XPO1: variants seen among roughly 807,000 people sequenced by gnomAD.
XPO1 encodes the protein exportin-1.
A neutral mutation model predicts 133.3 loss-of-function variants in XPO1; 5 were observed. The ratio of observed to expected loss-of-function variants is 0.04; its 90% CI spans 0.02 to 0.08. The LOEUF (loss-of-function observed/expected upper bound fraction) is 0.08, where lower values mean the gene tolerates loss of function less well. XPO1 is among the 10% of genes least tolerant of loss of function. The pLI is 1.00. For missense variants in XPO1, 506 were observed against 1,267.5 expected (o/e 0.40, Z 9.12); for synonymous variants, 419 against 408.2 (o/e 1.03, Z -0.32).
At chr2:61,489,019 G>A (rs72815581) in intron 17 of XPO1, among the ~76,000 whole-genome samples, 18,612 of 151,700 alleles carry the variant, frequency 0.12, 1,379 homozygotes, top group South Asian at 0.32. Flanking sequence ...GGAGAACGGC[G>A]TGAACGCTAG....
rs754056639 is a variant in XPO1, at chr2:61,488,173, G to C, written c.2305C>G (p.Pro769Ala). Residue 769 changes from proline (P) to alanine (A), a missense_variant, in exon 19 of 25, where the codon CCA becomes GCA. Physicochemically the swap from Pro to Ala is conservative, Grantham distance 27. Transcript: ENST00000401558. ...ISGWVSRSNDPQMVAENFVPP... is the reference protein window; with the variant it reads ...ISGWVSRSNDAQMVAENFVPP... ...AAGCATCTCTCACTTACCATCTGTG[G>C]ATCATTGGATCGGCTCACCCAACCA... 1.2e-6 allele frequency: 2 copies of C among 1,613,462 alleles called. No individual in the cohort carries two copies. Among genetic ancestry groups the C allele is most frequent in the Non-Finnish European group, 1.7e-6 (2 of 1,179,642 alleles).
intron 19 of XPO1, 23 bp from the exon 20 acceptor site, chr2:61,485,985 TTA>T (rs2104353238): frequency 6.3e-7 from 1 of 1,585,580 alleles, no homozygotes; most frequent in East Asian, 2.3e-5. Flanking sequence ...GAAAAAAAAG[TTA>T]TGTTTTAATT....
Position 61,498,925 on chromosome 2 carries a change from A to C in XPO1, c.591-12T>G, listed in dbSNP as rs541415933. The C allele has an allele frequency of 2.1e-4, 327 of 1,572,370 alleles. No homozygotes were observed. Among genetic ancestry groups the C allele is most frequent in the Admixed American group, 3.1e-4 (16 of 51,702 alleles). On this transcript the variant is annotated splice_polypyrimidine_tract_variant and intron_variant, in intron 7 of 24. Transcript: ENST00000401558. The stretch of plus-strand genomic sequence containing the variant: ...ATTCATTGCACATGCTAAAAAAAAA[A>C]ACACACAAAAATATCAGATTTAGAA...
Position 61,535,765 on chromosome 2 carries a change from T to C in XPO1, c.-7+1797A>G, listed in dbSNP as rs1573238064. On this transcript the variant is annotated intron_variant, in intron 1 of 24. Coordinates refer to ENST00000401558, the MANE Select transcript of XPO1 (RefSeq NM_003400.4). ...TTTCGTAGTAGGCATTAAACAAACG[T>C]TTTTAAACAGCAGAATACTTGTTAC... 1.3e-5 allele frequency among the ~76,000 whole-genome samples: 2 copies of C among 152,104 alleles called. 1 individual carries two copies. The highest frequency in any genetic ancestry group is 3.9e-4 in the East Asian group (2 of 5,188).
intron 24 of XPO1, 47 bp downstream of exon 24, chr2:61,481,138 G>A (rs770046241): frequency 4.2e-5 from 50 of 1,204,590 alleles, no homozygotes; most frequent in Non-Finnish European, 5.5e-5. Flanking sequence ...ACATAAAAGT[G>A]GTCACATCTA....
At chr2:61,490,883 A>G (rs765275853) in intron 16 of XPO1, 107 bp from the exon 17 acceptor site, 6 of 1,339,492 alleles carry the variant, frequency 4.5e-6, no homozygotes, top group Non-Finnish European at 6.2e-6. Context: ...GCCCAGGTGC[A>G]GTGGATCACT....
chr2:61,478,629 A>G lies in XPO1; in HGVS notation c.*191T>C, dbSNP rs1417967557. The stretch of plus-strand genomic sequence containing the variant: ...ACTTCATGCAAACTAAATAAAGATG[A>G]CCAAAACAAAAGCTTAAACAATGGA... On this transcript the variant is annotated 3_prime_UTR_variant, in exon 25 of 25. Transcript: ENST00000401558. 1.4e-5 allele frequency: 8 copies of G among 583,994 alleles called. No individual in the cohort carries two copies. Among genetic ancestry groups the G allele is most frequent in the Non-Finnish European group, 2.2e-5 (8 of 362,172 alleles). The allele number at this position is 583,994 out of a possible 1,614,324, so 36.2% of individuals were successfully genotyped here. A position where few individuals can be genotyped will look rare whatever the true frequency, so the allele number is the denominator to read the frequency against.
intron 3 of XPO1, among the ~76,000 whole-genome samples, chr2:61,524,413 T>G (rs1698826221): frequency 6.6e-6 from 1 of 152,220 alleles, no homozygotes; most frequent in South Asian, 2.1e-4. Flanking sequence ...AACCTGTATT[T>G]TCTACAACTG....
chr2:61,502,051 G>A lies in XPO1; in HGVS notation c.364-11C>T, dbSNP rs752514233. On this transcript the variant is annotated splice_polypyrimidine_tract_variant and intron_variant, in intron 5 of 24. Transcript: ENST00000401558. ...ATACACCTTTTCTTTCTAAGGAAAA[G>A]TAAAAGATTAAATGAGAGCCTGAGG... 3 of 1,596,848 alleles carry A rather than the reference G, an allele frequency of 1.9e-6. No homozygotes were observed. The highest frequency in any genetic ancestry group is 2.2e-5 in the East Asian group (1 of 44,720).
At chr2:61,517,822 T>C (rs1698469471) in intron 4 of XPO1, among the ~76,000 whole-genome samples, 1 of 152,048 alleles carries the variant, frequency 6.6e-6, no homozygotes, top group East Asian at 1.9e-4. Flanking sequence ...GGACCTACAG[T>C]GCTAGCTACT....
chr2:61,511,316 G>T (rs1040899574), intron 4 of XPO1, among the ~76,000 whole-genome samples: 11 of 152,090 alleles, frequency 7.2e-5, no homozygotes, highest in African/African-American at 2.2e-4. Flanking sequence ...TAGTAGAGAT[G>T]GGGTTTCACC....
At chr2:61,496,565 T>A (rs575538776) in intron 10 of XPO1, among the ~76,000 whole-genome samples, 60 of 152,178 alleles carry the variant, frequency 3.9e-4, no homozygotes, top group African/African-American at 1.4e-3. Context: ...CCAATCAAAC[T>A]AGGGCTGAAA....
rs1378365328 is a variant in XPO1, at chr2:61,478,616, CTAAA to C, written c.*200_*203del. 49 of 521,602 alleles carry C rather than the reference CTAAA, an allele frequency of 9.4e-5. No homozygotes were observed. Among genetic ancestry groups the C allele is most frequent in the South Asian group, 5.0e-5 (1 of 20,078 alleles). 32.3% of individuals were successfully genotyped at this position (521,602 alleles called of 1,614,324 possible). On this transcript the variant is annotated 3_prime_UTR_variant, in exon 25 of 25. Transcript: ENST00000401558. Reference sequence around the variant, plus strand: ...GCCTTAATTTTCAACTTCATGCAAACTAAATAAAGATGACCAAAACAAAAGCTTA... The same window carrying C: ...GCCTTAATTTTCAACTTCATGCAAACTAAAGATGACCAAAACAAAAGCTTA...
rs930022339 is a variant in XPO1, at chr2:61,490,794, C to G, written c.1888-18G>C. On this transcript the variant is annotated intron_variant, in intron 16 of 24. Transcript: ENST00000401558. ...GTATGAACCTATTTTAAAAAGCAGACATTTTAACGTTTATGTTATACACCC... is the reference window on the plus strand; with the variant it reads ...GTATGAACCTATTTTAAAAAGCAGAGATTTTAACGTTTATGTTATACACCC... 1.2e-6 allele frequency: 2 copies of G among 1,609,142 alleles called. No homozygotes were observed.
intron 4 of XPO1, among the ~76,000 whole-genome samples, chr2:61,522,087 G>C (rs1054178388): frequency 6.7e-6 from 1 of 150,130 alleles, no homozygotes; most frequent in African/African-American, 2.5e-5. Context: ...TGTTTTTTTG[G>C]AGATGGGGTC....
Position 61,498,931 on chromosome 2 carries a change from C to T in XPO1, c.591-18G>A, listed in dbSNP as rs766085283. The T allele has an allele frequency of 9.0e-6, 14 of 1,554,848 alleles. No individual in the cohort carries two copies. Among genetic ancestry groups the T allele is most frequent in the Non-Finnish European group, 1.1e-5 (13 of 1,153,300 alleles). ...TGCACATGCTAAAAAAAAAAACACACAAAAATATCAGATTTAGAAGACACA... is the reference window on the plus strand; with the variant it reads ...TGCACATGCTAAAAAAAAAAACACATAAAAATATCAGATTTAGAAGACACA... On this transcript the variant is annotated intron_variant, in intron 7 of 24. Coordinates refer to ENST00000401558, the MANE Select transcript of XPO1 (RefSeq NM_003400.4).
intron 4 of XPO1, among the ~76,000 whole-genome samples, chr2:61,516,889 C>A (rs969983441): frequency 6.6e-6 from 1 of 151,792 alleles, no homozygotes; most frequent in Non-Finnish European, 1.5e-5. Context: ...TATCTAAATG[C>A]CATTTTTAAT....
intron 2 of XPO1, among the ~76,000 whole-genome samples, chr2:61,531,444 T>C (rs1012076867): frequency 3.3e-5 from 5 of 152,218 alleles, no homozygotes; most frequent in African/African-American, 1.2e-4. Context: ...CTTAATACTA[T>C]GAAACATTAT....
intron 4 of XPO1, 54 bp from the exon 5 acceptor site, chr2:61,502,364 C>T: frequency 6.6e-7 from 1 of 1,525,808 alleles, no homozygotes; most frequent in South Asian, 1.2e-5. Context: ...TTGTAGCATG[C>T]AAATAAATTT....
Sources: gnomAD v4.1 joint callset for allele counts (sites outside exome capture counted in the v4.1 genomes callset) on GRCh38, gnomAD v4.1.1 for gene constraint, MANE v1.5 for transcripts, NCBI Gene and HGNC (gene_info 2026-07-23, HGNC 2026-07-21) for gene names.